The following AP1S3 variants were observed in gnomAD, a reference collection of about 807,000 sequenced individuals.
AP1S3 encodes the protein adaptor related protein complex 1 subunit sigma 3, also known as AP-1 complex subunit sigma-3.
A neutral mutation model predicts 20.9 loss-of-function variants in AP1S3; 10 were observed. That is an observed-to-expected ratio of 0.48 (90% CI 0.29 to 0.81). AP1S3 has a LOEUF of 0.81. AP1S3 is among the 30% of genes least tolerant of loss of function. The probability of loss-of-function intolerance (pLI) is 0.08; values close to 1 mark genes in which losing one functional copy is unlikely to be tolerated. For missense variants in AP1S3, 154 were observed against 183.8 expected (o/e 0.84, Z 0.94); for synonymous variants, 41 against 61.5 (o/e 0.67, Z 1.56).
In AP1S3 at chr2:223,776,066, C is replaced by T. The variant is rs748527870; in HGVS notation, c.183-57G>A. 3.7e-6 allele frequency: 5 copies of T among 1,361,524 alleles called. No individual in the cohort carries two copies. In the African/African-American group the frequency reaches 7.3e-5, roughly 20 times the overall value. The allele number at this position is 1,361,524 out of a possible 1,614,324, so 84.3% of individuals were successfully genotyped here. A position where few individuals can be genotyped will look rare whatever the true frequency, so the allele number is the denominator to read the frequency against. ...GACAATACATTAAGCAACCTGGAGA[C>T]AGTTTTTCCCACGAATATGCAGTCA... On this transcript the variant is annotated intron_variant, in intron 2 of 4. Coordinates refer to ENST00000396654, the MANE Select transcript of AP1S3 (RefSeq NM_001039569.2).
At position 223,788,776 on chromosome 2, in the gene AP1S3, A is replaced by G. The variant is rs868374475; in HGVS notation, c.4-10907T>C. ...AAGACTCTGTCTAAAAAAAAAAAAA[A>G]AAAAAGAAGAAGAAGAAGAAGAGAT... On this transcript the variant is annotated intron_variant, in intron 1 of 4. Coordinates refer to ENST00000396654, the MANE Select transcript of AP1S3 (RefSeq NM_001039569.2). 7.5e-5 allele frequency among the ~76,000 whole-genome samples: 11 copies of G among 146,114 alleles called. No individual in the cohort carries two copies. In the East Asian group the frequency reaches 1.6e-3, roughly 21 times the overall value.
chr2:223,775,568 C>T (rs537226871), intron 3 of AP1S3, among the ~76,000 whole-genome samples: 26 of 152,218 alleles, frequency 1.7e-4, no homozygotes, highest in East Asian at 7.7e-4. Flanking sequence ...TGGCTGGGCA[C>T]GGTAGCTCAT....
intron 1 of AP1S3, among the ~76,000 whole-genome samples, chr2:223,792,298 C>T (rs1691230683): frequency 6.6e-6 from 1 of 152,034 alleles, no homozygotes; most frequent in Non-Finnish European, 1.5e-5. Flanking sequence ...TGCTACAAGG[C>T]TATAATAACC....
chr2:223,805,076 C>G (rs1400981042), intron 1 of AP1S3, among the ~76,000 whole-genome samples: 1 of 152,168 alleles, frequency 6.6e-6, no homozygotes, highest in African/African-American at 2.4e-5. Context: ...AAAAAGACAG[C>G]ATTAGGCAGA....
chr2:223,806,655 G>C (rs571508504), intron 1 of AP1S3, among the ~76,000 whole-genome samples: 1 of 152,070 alleles, frequency 6.6e-6, no homozygotes, highest in Non-Finnish European at 1.5e-5. Flanking sequence ...TTTTCTTACA[G>C]TCAGAAGTTA....
At chr2:223,820,679 A>AAC (rs1691966390) in intron 1 of AP1S3, among the ~76,000 whole-genome samples, 1 of 151,822 alleles carries the variant, frequency 6.6e-6, no homozygotes, top group African/African-American at 2.4e-5. Flanking sequence ...AAAAAAAAAA[A>AAC]AAAAACAAGC....
intron 1 of AP1S3, among the ~76,000 whole-genome samples, chr2:223,798,133 T>C (rs1261432553): frequency 6.6e-6 from 1 of 152,216 alleles, no homozygotes; most frequent in Non-Finnish European, 1.5e-5. Context: ...CAGGTTTCCA[T>C]GATAAATGAG....
At chr2:223,761,500 C>G (rs1690352718) in intron 4 of AP1S3, among the ~76,000 whole-genome samples, 1 of 152,066 alleles carries the variant, frequency 6.6e-6, no homozygotes, top group African/African-American at 2.4e-5. Flanking sequence ...TTACCGCTCA[C>G]TGCAGCCTTG....
intron 1 of AP1S3, among the ~76,000 whole-genome samples, chr2:223,798,658 A>G (rs1003378513): frequency 2.0e-5 from 3 of 152,254 alleles, no homozygotes; most frequent in Non-Finnish European, 4.4e-5. Flanking sequence ...AAGGAAGGAT[A>G]GACAGGTAGT....
intron 1 of AP1S3, among the ~76,000 whole-genome samples, chr2:223,787,606 G>A (rs774712993): frequency 7.2e-5 from 11 of 152,230 alleles, no homozygotes; most frequent in Non-Finnish European, 1.3e-4. Flanking sequence ...ATACTTGGGG[G>A]CACCATGTCC....
At chr2:223,770,744 T>TTTTTTGGAAACAG (rs1690605179) in intron 3 of AP1S3, among the ~76,000 whole-genome samples, 1 of 149,930 alleles carries the variant, frequency 6.7e-6, no homozygotes, top group African/African-American at 2.5e-5. Flanking sequence ...TTTTTTTTTT[T>TTTTTTGGAAACAG]TTGGAAACAG....
intron 1 of AP1S3, among the ~76,000 whole-genome samples, chr2:223,824,815 G>T (rs1007827417): frequency 6.6e-6 from 1 of 152,154 alleles, no homozygotes; most frequent in South Asian, 2.1e-4. Context: ...GATTGCAGGC[G>T]TAAGCCACCG....
intron 1 of AP1S3, 27 bp from the exon 2 acceptor site, chr2:223,777,896 A>G (rs1215073421): frequency 6.3e-7 from 1 of 1,587,750 alleles, no homozygotes; most frequent in Non-Finnish European, 8.6e-7. Context: ...AAAAAACAGA[A>G]CCTGATCAAC....
chr2:223,760,458 C>A (rs1053680303), intron 4 of AP1S3, among the ~76,000 whole-genome samples: 4 of 152,184 alleles, frequency 2.6e-5, no homozygotes, highest in Non-Finnish European at 5.9e-5. Context: ...ATCTAGAATT[C>A]CAGAGTTCTG....
chr2:223,836,594 G>T (rs750747074), intron 1 of AP1S3, among the ~76,000 whole-genome samples: 2 of 152,182 alleles, frequency 1.3e-5, no homozygotes, highest in South Asian at 4.1e-4. Context: ...ACAAAAATTA[G>T]CTGGGTGTGG....
At chr2:223,759,296 AG>A (rs11330884) in intron 4 of AP1S3, among the ~76,000 whole-genome samples, 22,145 of 148,032 alleles carry the variant, frequency 0.15, 3,586 homozygotes, top group African/African-American at 0.42. Flanking sequence ...AAAAAAAAAA[AG>A]AGAGAGAGAG....
chr2:223,810,163 A>G lies in AP1S3; in HGVS notation c.3+27285T>C, dbSNP rs561373316. Among the ~76,000 whole-genome samples, 6 of 152,328 alleles carry G rather than the reference A, an allele frequency of 3.9e-5. No individual in the cohort carries two copies. In the South Asian group the frequency reaches 1.2e-3, roughly 32 times the overall value. On this transcript the variant is annotated intron_variant, in intron 1 of 4. Coordinates refer to ENST00000396654, the MANE Select transcript of AP1S3 (RefSeq NM_001039569.2). ...GGCTTATTAAACTGTTCAGGACAAGAATCTGGGGATCCTGACCTCAAACAC... is the reference window on the plus strand; with the variant it reads ...GGCTTATTAAACTGTTCAGGACAAGGATCTGGGGATCCTGACCTCAAACAC...
intron 4 of AP1S3, among the ~76,000 whole-genome samples, chr2:223,759,733 C>G (rs1214214382): frequency 6.6e-6 from 1 of 152,090 alleles, no homozygotes; most frequent in Non-Finnish European, 1.5e-5. Flanking sequence ...AAGCCTAGGA[C>G]CCATGAGTCA....
intron 3 of AP1S3, chr2:223,773,296 T>C (rs551279926): frequency 7.7e-7 from 1 of 1,303,472 alleles, no homozygotes; most frequent in Admixed American, 2.3e-5. Flanking sequence ...GAAGGCAGGT[T>C]ACGGGAATGC....
Sources: gnomAD v4.1 joint callset for allele counts (sites outside exome capture counted in the v4.1 genomes callset) on GRCh38, gnomAD v4.1.1 for gene constraint, MANE v1.5 for transcripts, NCBI Gene and HGNC (gene_info 2026-07-23, HGNC 2026-07-21) for gene names.